SLIT3: variants seen among roughly 807,000 people sequenced by gnomAD.
SLIT3 encodes the protein slit homolog 3 protein.
In SLIT3, 68 loss-of-function variants were observed where a neutral mutation model predicts 184.0. That is an observed-to-expected ratio of 0.37 (90% CI 0.30 to 0.45). SLIT3 has a LOEUF of 0.45. Ranked by LOEUF, SLIT3 falls within the 20% of genes least tolerant of loss-of-function variation. SLIT3 has a pLI of 1.00. For synonymous variants in SLIT3, 831 were observed against 828.6 expected (o/e 1.00, Z -0.05); for missense variants, 1,707 against 2,026.0 (o/e 0.84, Z 3.02).
intron 12 of SLIT3, among the ~76,000 whole-genome samples, chr5:168,781,599 C>T (rs1432741628): frequency 1.3e-5 from 2 of 152,280 alleles, no homozygotes; most frequent in Non-Finnish European, 2.9e-5. Flanking sequence ...TCTCATAGAG[C>T]AAACATTAGT....
intron 4 of SLIT3, among the ~76,000 whole-genome samples, chr5:168,938,218 G>C (rs1019945295): frequency 6.6e-6 from 1 of 152,106 alleles, no homozygotes; most frequent in Non-Finnish European, 1.5e-5. Flanking sequence ...ACATATTCTG[G>C]CTAAATACTA....
chr5:169,208,065 G>A (rs1294760635), intron 3 of SLIT3, among the ~76,000 whole-genome samples: 2 of 152,008 alleles, frequency 1.3e-5, no homozygotes, highest in Admixed American at 1.3e-4. Context: ...TGCTTACCTG[G>A]GGGCAAACAG....
intron 4 of SLIT3, among the ~76,000 whole-genome samples, chr5:169,081,327 C>A (rs767479681): frequency 4.6e-5 from 7 of 152,154 alleles, no homozygotes; most frequent in Admixed American, 1.3e-4. Flanking sequence ...GTGCAGCCAG[C>A]GGGGCAGCTG....
intron 4 of SLIT3, among the ~76,000 whole-genome samples, chr5:168,971,558 T>G (rs768160836): frequency 6.6e-6 from 1 of 152,222 alleles, no homozygotes; most frequent in Non-Finnish European, 1.5e-5. Flanking sequence ...CTGCACCTCA[T>G]GGTCAAATGT....
At chr5:169,098,127 T>A (rs896014993) in intron 4 of SLIT3, among the ~76,000 whole-genome samples, 4 of 152,212 alleles carry the variant, frequency 2.6e-5, no homozygotes, top group Admixed American at 2.0e-4. Context: ...CCGGCTTGAT[T>A]TTTTTTGGAA....
intron 4 of SLIT3, among the ~76,000 whole-genome samples, chr5:168,965,886 A>C (rs1436664897): frequency 6.6e-6 from 1 of 152,106 alleles, no homozygotes; most frequent in African/African-American, 2.4e-5. Flanking sequence ...ACTTCATCCT[A>C]CCCTGTTTAG....
At chr5:168,927,939 G>A (rs1761882488) in intron 4 of SLIT3, among the ~76,000 whole-genome samples, 1 of 152,236 alleles carries the variant, frequency 6.6e-6, no homozygotes, top group African/African-American at 2.4e-5. Context: ...TGCCCTAGCA[G>A]GATGGATCTC....
chr5:169,149,352 T>C (rs1346586563), intron 4 of SLIT3, among the ~76,000 whole-genome samples: 1 of 152,068 alleles, frequency 6.6e-6, no homozygotes, highest in East Asian at 1.9e-4. Context: ...TTTTTTTTTT[T>C]TTCAACTTGT....
chr5:168,883,313 T>C lies in SLIT3; in HGVS notation c.437A>G (p.Gln146Arg), dbSNP rs758264540. The change falls in exon 5 of 36, where the codon CAG becomes CGG. Residue 146 changes from glutamine (Q) to arginine (R), a missense_variant. By Grantham distance (43) the Gln-to-Arg change is conservative. Around this residue, in one of 3 missense-constraint regions of SLIT3, gnomAD observed 1,307 missense variants for 1,511.6 expected, o/e 0.86. Transcript: ENST00000519560. ...TRLDLSENQI[Q>R]GIPRKAFRGI... ...GCGGAACGCCTTCCTCGGGATCCCC[T>C]GGATCTGGTTTTCACTCAAATCTCT... 1 of 1,614,030 alleles carries C rather than the reference T, an allele frequency of 6.2e-7. No individual in the cohort carries two copies. The highest frequency in any genetic ancestry group is 1.3e-5 in the African/African-American group (1 of 75,064).
At chr5:169,146,341 T>C (rs1331101248) in intron 4 of SLIT3, among the ~76,000 whole-genome samples, 1 of 152,218 alleles carries the variant, frequency 6.6e-6, no homozygotes, top group Non-Finnish European at 1.5e-5. Flanking sequence ...CATGACGCAG[T>C]GTTTGGCCCA....
At chr5:168,887,117 C>T (rs1210300036) in intron 4 of SLIT3, among the ~76,000 whole-genome samples, 2 of 152,142 alleles carry the variant, frequency 1.3e-5, no homozygotes, top group Non-Finnish European at 2.9e-5. Flanking sequence ...TTTTGAAATG[C>T]TTCCTGGGGC....
chr5:169,261,177 T>C (rs939771940), intron 1 of SLIT3, among the ~76,000 whole-genome samples: 3 of 151,822 alleles, frequency 2.0e-5, no homozygotes, highest in African/African-American at 7.3e-5. Context: ...GAGGAAGGAG[T>C]ATGGAGTAAT....
chr5:168,956,906 T>A (rs1321507143), intron 4 of SLIT3, among the ~76,000 whole-genome samples: 3 of 150,464 alleles, frequency 2.0e-5, no homozygotes, highest in Non-Finnish European at 4.4e-5. Flanking sequence ...TCTCTTCACC[T>A]CAAGGCATTA....
chr5:169,212,500 G>A (rs1764299507), intron 3 of SLIT3, among the ~76,000 whole-genome samples: 2 of 151,846 alleles, frequency 1.3e-5, no homozygotes. Context: ...TAAGTTCTTT[G>A]TAGATTCTGG....
chr5:169,049,660 G>A (rs943117422), intron 4 of SLIT3, among the ~76,000 whole-genome samples: 6 of 152,146 alleles, frequency 3.9e-5, no homozygotes, highest in Admixed American at 1.3e-4. Flanking sequence ...GCAGGATGCC[G>A]GGCGGCTTCT....
intron 4 of SLIT3, chr5:169,023,752 G>A (rs1381582223): frequency 6.6e-6 from 1 of 152,228 alleles, no homozygotes; most frequent in African/African-American, 2.4e-5. Flanking sequence ...TAATAATGCT[G>A]GGATGGCTGT....
At chr5:169,207,366 T>TAC (rs1360535639) in intron 3 of SLIT3, among the ~76,000 whole-genome samples, 38 of 84,352 alleles carry the variant, frequency 4.5e-4, no homozygotes, top group African/African-American at 1.0e-3. Flanking sequence ...TACATACACA[T>TAC]ACATACACAC....
chr5:169,188,352 A>C (rs2113459049), intron 4 of SLIT3, among the ~76,000 whole-genome samples: 1 of 152,298 alleles, frequency 6.6e-6, no homozygotes, highest in South Asian at 2.1e-4. Flanking sequence ...AAATAACCAG[A>C]AATCTTTCAT....
chr5:168,796,945 G>A (rs972602480), intron 9 of SLIT3, among the ~76,000 whole-genome samples: 12 of 152,226 alleles, frequency 7.9e-5, no homozygotes, highest in East Asian at 3.9e-4. Context: ...GGGGAAAGGC[G>A]GGTGAGAGGA....
Sources: allele counts gnomAD v4.1 joint callset (sites outside exome capture counted in the v4.1 genomes callset), GRCh38; gene constraint gnomAD v4.1.1; regional missense constraint gnomAD v4.1.1; transcripts MANE v1.5; gene names NCBI Gene and HGNC (gene_info 2026-07-23, HGNC 2026-07-21).